Variants in RGS6 observed in about 807,000 individuals in gnomAD.
The protein encoded by RGS6 is regulator of G-protein signaling 6.
Under a neutral mutation model 78.5 loss-of-function variants are expected in RGS6, and 30 were observed. That is an observed-to-expected ratio of 0.38 (90% CI 0.29 to 0.52). The LOEUF is 0.52. Ranked by LOEUF, RGS6 falls within the 20% of genes least tolerant of loss-of-function variation. The pLI is 0.85. For missense variants in RGS6, 495 were observed against 609.7 expected, an observed-to-expected ratio of 0.81 and a Z score of 1.98; for synonymous variants, 206 against 206.0, an observed-to-expected ratio of 1.00 and a Z score of 0.00.
At chr14:72,264,258 C>T (rs1455651071) in intron 2 of RGS6, among the ~76,000 whole-genome samples, 1 of 152,186 alleles carries the variant, frequency 6.6e-6, no homozygotes, top group East Asian at 1.9e-4. Flanking sequence ...GCAGCTAGGA[C>T]TGGTCTCCAT....
intron 3 of RGS6, among the ~76,000 whole-genome samples, chr14:72,371,590 C>T (rs1172759281): frequency 6.6e-6 from 1 of 152,052 alleles, no homozygotes; most frequent in Non-Finnish European, 1.5e-5. Flanking sequence ...GGAGAAACCC[C>T]GTCTCTACTA....
At chr14:72,219,275 A>G (rs1049161021) in intron 2 of RGS6, among the ~76,000 whole-genome samples, 2 of 152,090 alleles carry the variant, frequency 1.3e-5, no homozygotes, top group Non-Finnish European at 2.9e-5. Context: ...TGCCACAAGT[A>G]TTGGCTTTGG....
intron 1 of RGS6, among the ~76,000 whole-genome samples, chr14:71,943,080 C>G (rs2090898980): frequency 6.6e-6 from 1 of 152,122 alleles, no homozygotes; most frequent in South Asian, 2.1e-4. Flanking sequence ...GTGAGGTCCC[C>G]TGCATGAATG....
chr14:72,544,731 C>A (rs537895450), intron 17 of RGS6, among the ~76,000 whole-genome samples: 5 of 152,192 alleles, frequency 3.3e-5, no homozygotes, highest in Non-Finnish European at 7.4e-5. Flanking sequence ...AGCCAGCTGC[C>A]ACTCAGCCTC....
intron 2 of RGS6, among the ~76,000 whole-genome samples, chr14:72,068,586 G>A (rs531134203): frequency 3.5e-5 from 5 of 142,886 alleles, no homozygotes; most frequent in African/African-American, 7.8e-5. Context: ...TAACCTCTGC[G>A]TCCCAGGTTC....
intron 15 of RGS6, among the ~76,000 whole-genome samples, chr14:72,529,597 C>G (rs2097157583): frequency 6.6e-6 from 1 of 152,136 alleles, no homozygotes; most frequent in South Asian, 2.1e-4. Context: ...CTCCTTGCCC[C>G]TTGATTGTCT....
At chr14:72,197,413 C>T (rs1443077059) in intron 2 of RGS6, among the ~76,000 whole-genome samples, 1 of 152,056 alleles carries the variant, frequency 6.6e-6, no homozygotes, top group African/African-American at 2.4e-5. Flanking sequence ...GTGCCTAGCT[C>T]ACACTTCATT....
At chr14:72,131,729 A>C (rs17107876) in intron 2 of RGS6, among the ~76,000 whole-genome samples, 3 of 152,224 alleles carry the variant, frequency 2.0e-5, no homozygotes, top group Non-Finnish European at 2.9e-5. Context: ...AAATTGGGAA[A>C]AGATTTTCGA....
upstream of RGS6, among the ~76,000 whole-genome samples, chr14:71,930,583 A>G (rs573981739): frequency 6.6e-6 from 1 of 152,190 alleles, no homozygotes; most frequent in East Asian, 1.9e-4. Context: ...AAAGAGAAGT[A>G]CACAGTAAGG....
chr14:72,281,591 G>A (rs2061595936), intron 2 of RGS6, among the ~76,000 whole-genome samples: 1 of 151,396 alleles, frequency 6.6e-6, no homozygotes. Context: ...GAGTGATGGA[G>A]GAGAAGATCT....
intron 2 of RGS6, among the ~76,000 whole-genome samples, chr14:72,036,018 A>T (rs1411737708): frequency 6.6e-6 from 1 of 151,996 alleles, no homozygotes; most frequent in African/African-American, 2.4e-5. Context: ...TTTGTAGTCA[A>T]TATCCCTAGT....
At chr14:72,277,772 A>G (rs906322652) in intron 2 of RGS6, among the ~76,000 whole-genome samples, 18 of 152,156 alleles carry the variant, frequency 1.2e-4, no homozygotes, top group African/African-American at 4.3e-4. Context: ...TACCAAAAAT[A>G]CAAAAATTAG....
the RGS6 span, chr14:72,629,519 C>T: frequency 7.3e-6 from 8 of 1,094,802 alleles, no homozygotes; most frequent in Middle Eastern, 2.3e-4. Context: ...GCCAGGGTAA[C>T]AGGCCCCAGG....
intron 2 of RGS6, among the ~76,000 whole-genome samples, chr14:72,272,051 C>G (rs1271363216): frequency 2.6e-5 from 4 of 151,876 alleles, no homozygotes; most frequent in Non-Finnish European, 5.9e-5. Flanking sequence ...TCTAAGCAAT[C>G]TTAATTCCCT....
rs563926766 is a variant in RGS6, at chr14:71,960,385, G to A, written c.-20-4387G>A. 1.3e-5 allele frequency among the ~76,000 whole-genome samples: 2 copies of A among 152,178 alleles called. 1 individual carries two copies. Among genetic ancestry groups the A allele is most frequent in the Non-Finnish European group, 2.9e-5 (2 of 68,042 alleles). On this transcript the variant is annotated intron_variant, in intron 1 of 17. Transcript: ENST00000553525. ...TGTGTGATGCTATACATGGGTCTTT[G>A]TTGATCAAGAGTCTTCTTTATTGGC...
At chr14:72,619,536 G>A in the RGS6 span, among the ~76,000 whole-genome samples, 4 of 152,224 alleles carry the variant, frequency 2.6e-5, no homozygotes, top group African/African-American at 9.6e-5. Flanking sequence ...GAAAGCAGGT[G>A]CTCAGAGGAG....
chr14:72,543,404 A>G (rs915956931), intron 17 of RGS6, among the ~76,000 whole-genome samples: 10 of 152,178 alleles, frequency 6.6e-5, no homozygotes, highest in African/African-American at 2.2e-4. Flanking sequence ...AGGGCCCCCA[A>G]TACATGGCCT....
Position 72,409,304 on chromosome 14 carries a change from G to A in RGS6, c.185-45224G>A, listed in dbSNP as rs143667739. Among the ~76,000 whole-genome samples the A allele has an allele frequency of 2.6e-4, 40 of 152,322 alleles. 2 individuals are homozygous for A. The East Asian group carries it at 7.7e-3, about 29-fold the overall frequency. Reference sequence around the variant, plus strand: ...CTCTACCCAGCAGCATGGGTAGTGAGCTTTAATAGGCGGAACGTGGAAGTA... The same window carrying A: ...CTCTACCCAGCAGCATGGGTAGTGAACTTTAATAGGCGGAACGTGGAAGTA... On this transcript the variant is annotated intron_variant, in intron 3 of 17. Coordinates refer to ENST00000553525, the MANE Select transcript of RGS6 (RefSeq NM_001204424.2).
the RGS6 span, among the ~76,000 whole-genome samples, chr14:72,589,472 C>A: frequency 6.6e-6 from 1 of 152,190 alleles, no homozygotes; most frequent in African/African-American, 2.4e-5. Context: ...ATCACTTGAA[C>A]CCAGGAGGCA....
Sources: gnomAD v4.1 joint callset for allele counts (sites outside exome capture counted in the v4.1 genomes callset) on GRCh38, gnomAD v4.1.1 for gene constraint, MANE v1.5 for transcripts, NCBI Gene and HGNC (gene_info 2026-07-23, HGNC 2026-07-21) for gene names.